Variants in MYO3B observed in about 807,000 individuals in gnomAD.
MYO3B encodes myosin IIIB.
MYO3B carries 156 observed loss-of-function variants against 174.6 expected under a neutral mutation model. The ratio of observed to expected loss-of-function variants is 0.89; its 90% CI spans 0.78 to 1.02. The LOEUF is 1.02. Ranked by LOEUF, MYO3B falls within the 50% of genes least tolerant of loss-of-function variation. The pLI is 0.00. For synonymous variants in MYO3B, 563 were observed against 569.1 expected (o/e 0.99, Z 0.15); for missense variants, 1,632 against 1,639.4 (o/e 1.00, Z 0.08).
intron 32 of MYO3B, among the ~76,000 whole-genome samples, chr2:170,583,911 A>G (rs985504311): frequency 6.6e-6 from 1 of 152,216 alleles, no homozygotes; most frequent in African/African-American, 2.4e-5. Context: ...ACTTAAAAAA[A>G]ATTAAACCTC....
chr2:170,488,308 AT>A (rs1298961326), intron 25 of MYO3B, among the ~76,000 whole-genome samples: 1 of 151,790 alleles, frequency 6.6e-6, no homozygotes, highest in African/African-American at 2.4e-5. Context: ...TTATTCATTT[AT>A]TTTTTTTAGC....
At chr2:170,428,474 C>CT (rs921083492) in intron 22 of MYO3B, among the ~76,000 whole-genome samples, 2 of 152,186 alleles carry the variant, frequency 1.3e-5, no homozygotes, top group Non-Finnish European at 2.9e-5. Context: ...CAATACTTAA[C>CT]TTTTTTTACT....
chr2:170,295,379 C>A (rs1412643164), intron 7 of MYO3B, among the ~76,000 whole-genome samples: 1 of 150,802 alleles, frequency 6.6e-6, no homozygotes. Flanking sequence ...TCTCTTTTCC[C>A]CCATCTATCA....
chr2:170,468,206 T>C (rs902177569), intron 25 of MYO3B, among the ~76,000 whole-genome samples: 3 of 152,242 alleles, frequency 2.0e-5, no homozygotes, highest in Admixed American at 6.5e-5. Context: ...GTTTTCTCCC[T>C]TGATGTTATT....
chr2:170,572,367 G>T (rs1692493878), intron 32 of MYO3B, among the ~76,000 whole-genome samples: 1 of 151,818 alleles, frequency 6.6e-6, no homozygotes, highest in Admixed American at 6.6e-5. Flanking sequence ...GGCGGAGGTT[G>T]CAGTGAGCTG....
chr2:170,637,391 T>TTAAACTCCTGGCCTC (rs1697606476), intron 32 of MYO3B, among the ~76,000 whole-genome samples: 1 of 152,124 alleles, frequency 6.6e-6, no homozygotes, highest in Non-Finnish European at 1.5e-5. Flanking sequence ...CAGGCTGGTC[T>TTAAACTCCTGGCCTC]TAAACTCCTG....
intron 2 of MYO3B, among the ~76,000 whole-genome samples, chr2:170,199,605 G>A (rs1044671779): frequency 5.9e-5 from 9 of 152,148 alleles, no homozygotes; most frequent in Admixed American, 2.0e-4. Flanking sequence ...TGTTGTGTTG[G>A]TTTGGGACCA....
intron 25 of MYO3B, among the ~76,000 whole-genome samples, chr2:170,483,480 G>A (rs1685833255): frequency 7.7e-6 from 1 of 130,066 alleles, no homozygotes; most frequent in African/African-American, 3.5e-5. Context: ...TCCGCCTCCC[G>A]GGTTCACGCC....
rs958622779 is a variant in MYO3B at position 170,499,900 on chromosome 2, T to TCCCTCCCTCCCTTCCTTCTC, written c.3289+105_3289+124dup. The TCCCTCCCTCCCTTCCTTCTC allele has an allele frequency of 8.7e-5, 87 of 995,618 alleles. 1 individual carries two copies. The highest frequency in any genetic ancestry group is 2.0e-4 in the Admixed American group (8 of 39,908). The allele number at this position is 995,618 out of a possible 1,614,324, so 61.7% of individuals were successfully genotyped here. ...TCAACTGTTTCTCTTCTAAGTGGTT[T>TCCCTCCCTCCCTTCCTTCTC]CCCTCCCTCCCTTCCTTCTCCCCTC... On this transcript the variant is annotated intron_variant, in intron 27 of 34. Coordinates refer to ENST00000408978, the MANE Select transcript of MYO3B (RefSeq NM_138995.5).
intron 7 of MYO3B, among the ~76,000 whole-genome samples, chr2:170,291,035 A>G (rs962317643): frequency 6.6e-6 from 1 of 151,990 alleles, no homozygotes; most frequent in African/African-American, 2.4e-5. Flanking sequence ...GGATCACCTG[A>G]GTCAGGAGTT....
At position 170,619,737 on chromosome 2, in the gene MYO3B, C is replaced by CTTTTTTT. The variant is rs71412032; in HGVS notation, c.3734-31870_3734-31864dup. On this transcript the variant is annotated intron_variant, in intron 32 of 34. Transcript: ENST00000408978. The stretch of plus-strand genomic sequence containing the variant: ...GATGGCCCATCACTGCTGCCATATT[C>CTTTTTTT]TTTTTTTTTTTTTTTTTTTTTTTTT... 1.5e-3 allele frequency among the ~76,000 whole-genome samples: 76 copies of CTTTTTTT among 50,780 alleles called. 21 individuals carry two copies. The highest frequency in any genetic ancestry group is 2.8e-3 in the East Asian group (4 of 1,422). The allele number at this position is 50,780 out of a possible 152,430, so 33.3% of individuals were successfully genotyped here.
Position 170,653,761 on chromosome 2 carries a change from A to G in MYO3B, c.*640A>G, listed in dbSNP as rs1575355768. Reference sequence around the variant, plus strand: ...CCCTCTCTTGTTAATTATGATGCTGAGAAAGCCTCTGTCTCTTTATTTCAC... The same window carrying G: ...CCCTCTCTTGTTAATTATGATGCTGGGAAAGCCTCTGTCTCTTTATTTCAC... On this transcript the variant is annotated 3_prime_UTR_variant, in exon 35 of 35. Transcript: ENST00000408978. 1 of 152,378 alleles carries G rather than the reference A, an allele frequency of 6.6e-6. No homozygotes were observed. Among genetic ancestry groups the G allele is most frequent in the East Asian group, 1.9e-4 (1 of 5,190 alleles). The allele number at this position is 152,378 out of a possible 1,614,324, so 9.4% of individuals were successfully genotyped here.
chr2:170,297,794 A>T (rs1412916946), intron 7 of MYO3B, among the ~76,000 whole-genome samples: 1 of 152,220 alleles, frequency 6.6e-6, no homozygotes, highest in Non-Finnish European at 1.5e-5. Context: ...TATCAGTCTG[A>T]TGAATGTTAA....
chr2:170,647,142 G>A (rs948279005), intron 32 of MYO3B, among the ~76,000 whole-genome samples: 4 of 152,024 alleles, frequency 2.6e-5, no homozygotes, highest in African/African-American at 7.2e-5. Context: ...AACTCATCTC[G>A]AATTTATTGT....
intron 24 of MYO3B, among the ~76,000 whole-genome samples, chr2:170,465,402 A>G (rs942089817): frequency 3.9e-5 from 6 of 152,152 alleles, no homozygotes; most frequent in Non-Finnish European, 7.4e-5. Flanking sequence ...TAGAGTAAGA[A>G]TTCACTCATT....
chr2:170,349,224 C>T (rs191610963), intron 8 of MYO3B, among the ~76,000 whole-genome samples: 28 of 152,306 alleles, frequency 1.8e-4, no homozygotes, highest in African/African-American at 6.5e-4. Context: ...CCCAGGAGGA[C>T]TCAGAGGCCC....
At chr2:170,601,631 A>G (rs1052602071) in intron 32 of MYO3B, 1 of 1,277,878 alleles carries the variant, frequency 7.8e-7, no homozygotes, top group African/African-American at 1.5e-5. Context: ...CATCTTCTTC[A>G]TCTTCCTCCT....
At chr2:170,439,454 A>G (rs1041872220) in intron 22 of MYO3B, among the ~76,000 whole-genome samples, 2 of 152,076 alleles carry the variant, frequency 1.3e-5, no homozygotes, top group East Asian at 1.9e-4. Context: ...TATTTTACAC[A>G]TTAATCCTTT....
At chr2:170,199,140 T>C (rs1383953053) in intron 1 of MYO3B, 68 bp from the exon 2 acceptor site, 3 of 1,094,516 alleles carry the variant, frequency 2.7e-6, no homozygotes, top group Non-Finnish European at 3.8e-6. Flanking sequence ...AAAAATCTTT[T>C]TGTTTCAAAA....
Sources: allele counts gnomAD v4.1 joint callset (sites outside exome capture counted in the v4.1 genomes callset), GRCh38; gene constraint gnomAD v4.1.1; transcripts MANE v1.5; gene names NCBI Gene and HGNC (gene_info 2026-07-23, HGNC 2026-07-21).